ST7: variants seen among roughly 807,000 people sequenced by gnomAD.
ST7 encodes the protein suppression of tumorigenicity 7, also known as suppressor of tumorigenicity 7 protein.
In ST7, 28 loss-of-function variants were observed where a neutral mutation model predicts 78.7. The observed-to-expected ratio is 0.36, with a 90% CI of 0.26 to 0.49. The LOEUF (loss-of-function observed/expected upper bound fraction) is 0.49, where lower values mean the gene tolerates loss of function less well. Among genes scored for constraint, ST7 ranks in the 20% least tolerant of loss-of-function variants. ST7 has a pLI of 0.99. For missense variants in ST7, 418 were observed against 696.0 expected, an observed-to-expected ratio of 0.60 and a Z score of 4.49; for synonymous variants, 247 against 249.6, an observed-to-expected ratio of 0.99 and a Z score of 0.10.
chr7:116,979,958 C>CTTTTTTTTTTTTTTTTTTTTTTTTTTT lies in ST7; in HGVS notation c.151+26284_151+26285insTTTTTTTTTTTTTTTTTTTTTTTTTTT, dbSNP rs745530832. 5.8e-5 allele frequency among the ~76,000 whole-genome samples: 5 copies of CTTTTTTTTTTTTTTTTTTTTTTTTTTT among 86,240 alleles called. 1 individual carries two copies. The highest frequency in any genetic ancestry group is 6.1e-5 in the Non-Finnish European group (3 of 48,812). 56.6% of individuals were successfully genotyped at this position (86,240 alleles called of 152,430 possible). Reference sequence around the variant, plus strand: ...CCTTTTTTCTTTTTCTTTTGTTTCTCTTTTTTTTTTTTTTTTTGGAGACAG... The same window carrying CTTTTTTTTTTTTTTTTTTTTTTTTTTT: ...CCTTTTTTCTTTTTCTTTTGTTTCTCTTTTTTTTTTTTTTTTTTTTTTTTTTTTTTTTTTTTTTTTTTTTGGAGACAG... On this transcript the variant is annotated intron_variant, in intron 1 of 15. Coordinates refer to ENST00000323984, the MANE Select transcript of ST7 (RefSeq NM_001369598.1).
intron 12 of ST7, among the ~76,000 whole-genome samples, chr7:117,201,430 C>T (rs1426456508): frequency 1.3e-5 from 2 of 152,178 alleles, no homozygotes; most frequent in Non-Finnish European, 2.9e-5. Flanking sequence ...CTACTGAGGT[C>T]ACTCTTATTA....
At chr7:116,987,165 CTCT>C (rs1794226251) in intron 1 of ST7, among the ~76,000 whole-genome samples, 1 of 152,212 alleles carries the variant, frequency 6.6e-6, no homozygotes, top group Admixed American at 6.5e-5. Context: ...TGAAGACTCT[CTCT>C]TCTTCATTAT....
At chr7:117,168,446 T>G (rs1164718670) in intron 9 of ST7, among the ~76,000 whole-genome samples, 1 of 152,220 alleles carries the variant, frequency 6.6e-6, no homozygotes, top group Non-Finnish European at 1.5e-5. Flanking sequence ...GAGAATGTCT[T>G]TATTGTGTTG....
chr7:117,090,850 C>G (rs1288282782), intron 1 of ST7: 1 of 167,102 alleles, frequency 6.0e-6, no homozygotes, highest in Admixed American at 6.5e-5. Flanking sequence ...TTGTGTGTGA[C>G]TGGGCGTTGG....
chr7:117,144,755 T>TAAAGAC (rs1805615700), intron 9 of ST7, among the ~76,000 whole-genome samples: 2 of 152,194 alleles, frequency 1.3e-5, no homozygotes, highest in South Asian at 4.1e-4. Flanking sequence ...AGAGAAAGTC[T>TAAAGAC]TTAGCATTAA....
intron 1 of ST7, among the ~76,000 whole-genome samples, chr7:117,080,290 A>G (rs1289750757): frequency 6.6e-6 from 1 of 152,096 alleles, no homozygotes; most frequent in African/African-American, 2.4e-5. Flanking sequence ...ACCTATACAG[A>G]TAGCTAACGT....
intron 1 of ST7, among the ~76,000 whole-genome samples, chr7:117,016,127 A>G (rs1282124642): frequency 6.6e-6 from 1 of 152,164 alleles, no homozygotes; most frequent in Admixed American, 6.5e-5. Flanking sequence ...GCCCCAAAAG[A>G]TTTGTTTTAT....
intron 1 of ST7, among the ~76,000 whole-genome samples, chr7:117,027,143 T>TA (rs1307632508): frequency 6.6e-6 from 1 of 152,204 alleles, no homozygotes; most frequent in East Asian, 1.9e-4. Flanking sequence ...TACAAATACT[T>TA]ACCAAATTAA....
intron 14 of ST7, among the ~76,000 whole-genome samples, chr7:117,221,579 T>A (rs1214932185): frequency 6.6e-6 from 1 of 152,160 alleles, no homozygotes; most frequent in African/African-American, 2.4e-5. Flanking sequence ...GTAATTTGAG[T>A]AAATTACAAA....
intron 3 of ST7, among the ~76,000 whole-genome samples, chr7:117,122,070 A>G (rs1213290164): frequency 6.6e-6 from 1 of 152,224 alleles, no homozygotes; most frequent in African/African-American, 2.4e-5. Context: ...TGTACAGACT[A>G]TCAGAGAAGG....
At chr7:117,162,025 T>G (rs1336513247) in intron 9 of ST7, among the ~76,000 whole-genome samples, 1 of 152,238 alleles carries the variant, frequency 6.6e-6, no homozygotes, top group East Asian at 1.9e-4. Flanking sequence ...ACTTATTCGC[T>G]GAAAACTACT....
intron 11 of ST7, 86 bp downstream of exon 11, chr7:117,189,479 T>G: frequency 1.9e-6 from 2 of 1,072,810 alleles, no homozygotes; most frequent in Non-Finnish European, 2.6e-6. Flanking sequence ...GAAGTTTCTC[T>G]TAGGCTATGA....
intron 8 of ST7, among the ~76,000 whole-genome samples, chr7:117,138,110 C>T (rs1323302681): frequency 6.6e-6 from 1 of 152,180 alleles, no homozygotes; most frequent in Non-Finnish European, 1.5e-5. Context: ...ACCTCTGCAT[C>T]TTTACCAAAA....
At chr7:117,044,202 T>C (rs781545052) in intron 1 of ST7, among the ~76,000 whole-genome samples, 7 of 152,230 alleles carry the variant, frequency 4.6e-5, no homozygotes, top group Non-Finnish European at 1.0e-4. Flanking sequence ...ACATATCTGA[T>C]GGAATTTCGT....
intron 10 of ST7, 31 bp downstream of exon 10, chr7:117,171,007 C>A: frequency 7.0e-7 from 1 of 1,422,602 alleles, no homozygotes. Context: ...ATTTACTTGA[C>A]TATTCCTCTT....
At chr7:117,086,933 T>C (rs1001716961) in intron 1 of ST7, among the ~76,000 whole-genome samples, 3 of 152,216 alleles carry the variant, frequency 2.0e-5, no homozygotes, top group Non-Finnish European at 4.4e-5. Flanking sequence ...CTGGAGCAGC[T>C]GAATACTAAA....
At chr7:117,153,851 T>C (rs886411039) in intron 9 of ST7, among the ~76,000 whole-genome samples, 1 of 151,866 alleles carries the variant, frequency 6.6e-6, no homozygotes, top group Non-Finnish European at 1.5e-5. Flanking sequence ...TAAGCTTAGA[T>C]GGAAAAGGAA....
intron 12 of ST7, among the ~76,000 whole-genome samples, chr7:117,199,326 C>T (rs973854985): frequency 6.6e-5 from 10 of 152,114 alleles, no homozygotes; most frequent in Non-Finnish European, 4.4e-5. Context: ...TATCTCCTTC[C>T]TCCCTGCCCC....
chr7:117,222,712 T>A, intron 15 of ST7: 1 of 673,278 alleles, frequency 1.5e-6, no homozygotes, highest in Non-Finnish European at 2.7e-6. Context: ...GAGGATAAGT[T>A]TACTGATCTT....
Sources: gnomAD v4.1 joint callset for allele counts (sites outside exome capture counted in the v4.1 genomes callset) on GRCh38, gnomAD v4.1.1 for gene constraint, MANE v1.5 for transcripts, NCBI Gene and HGNC (gene_info 2026-07-23, HGNC 2026-07-21) for gene names.